LRRC37A2: variants seen among roughly 807,000 people sequenced by gnomAD.
The protein encoded by LRRC37A2 is leucine rich repeat containing 37 member A2.
In LRRC37A2, 9 loss-of-function variants were observed where a neutral mutation model predicts 68.8. The observed-to-expected ratio is 0.13, with a 90% CI of 0.08 to 0.23. The LOEUF (loss-of-function observed/expected upper bound fraction) is 0.23. LRRC37A2 is among the 10% of genes least tolerant of loss of function. The pLI is 1.00. For synonymous variants in LRRC37A2, 63 were observed against 367.6 expected (o/e 0.17, Z 9.48); for missense variants, 168 against 950.4 (o/e 0.18, Z 10.82).
the LRRC37A2 span, among the ~76,000 whole-genome samples, chr17:47,027,148 G>A: frequency 1.3e-5 from 2 of 152,024 alleles, no homozygotes; most frequent in Admixed American, 1.3e-4. Context: ...CCTGACCTCA[G>A]GATCTGCCAG....
rs553459969 is a variant in LRRC37A2, at chr17:46,541,546, C to A, written c.3053+665C>A. Among the ~76,000 whole-genome samples the A allele has an allele frequency of 1.1e-4, 16 of 150,864 alleles. No individual in the cohort carries two copies. In the East Asian group the frequency reaches 1.6e-3, roughly 15 times the overall value. On this transcript the variant is annotated intron_variant, in intron 8 of 14. Transcript: ENST00000576629. ...GGATTACAGATAAGATCCACCTTGC[C>A]TGGCCTCACTCAGCAGAATTTTTTT...
chr17:47,033,279 G>T, the LRRC37A2 span: 1 of 680,138 alleles, frequency 1.5e-6, no homozygotes, highest in Non-Finnish European at 2.7e-6. Flanking sequence ...AAGGCTCACC[G>T]TTTCAGATTC....
intron 8 of LRRC37A2, among the ~76,000 whole-genome samples, chr17:46,541,810 A>C (rs544965988): frequency 2.6e-5 from 4 of 151,160 alleles, no homozygotes; most frequent in African/African-American, 9.9e-5. Flanking sequence ...GTATACAAAC[A>C]TTATGTCATT....
chr17:46,843,201 C>T, the LRRC37A2 span, among the ~76,000 whole-genome samples: 10 of 152,326 alleles, frequency 6.6e-5, no homozygotes, highest in East Asian at 1.9e-3. Context: ...TCAGAATCAA[C>T]AACAGATTGG....
chr17:46,820,466 A>G, the LRRC37A2 span, among the ~76,000 whole-genome samples: 1 of 151,698 alleles, frequency 6.6e-6, no homozygotes, highest in African/African-American at 2.4e-5. Context: ...CACCGGTGTG[A>G]GGAAGAAAGG....
chr17:46,834,840 T>C, the LRRC37A2 span, among the ~76,000 whole-genome samples: 1 of 152,190 alleles, frequency 6.6e-6, no homozygotes, highest in Non-Finnish European at 1.5e-5. Flanking sequence ...TCTGTTTCTC[T>C]AGCTTGTTCA....
At chr17:46,876,914 C>A in the LRRC37A2 span, 1 of 1,359,578 alleles carries the variant, frequency 7.4e-7, no homozygotes. Flanking sequence ...CAAAGAGAAG[C>A]AAAGCCTCCT....
chr17:46,940,686 C>T, the LRRC37A2 span: 8 of 1,611,052 alleles, frequency 5.0e-6, no homozygotes, highest in Admixed American at 5.0e-5. Context: ...GACATCTTTT[C>T]GTGGTGTGCA....
the LRRC37A2 span, among the ~76,000 whole-genome samples, chr17:46,792,001 C>G: frequency 2.6e-5 from 4 of 152,286 alleles, no homozygotes; most frequent in East Asian, 7.7e-4. Flanking sequence ...GATTGCACCA[C>G]TGCACTCCAG....
At chr17:46,793,752 C>G in the LRRC37A2 span, among the ~76,000 whole-genome samples, 15 of 152,318 alleles carry the variant, frequency 9.8e-5, no homozygotes, top group African/African-American at 3.4e-4. Context: ...GTTCCCAGCA[C>G]CTTCCAACCT....
At chr17:46,474,058 T>A in the LRRC37A2 span, among the ~76,000 whole-genome samples, 7 of 107,224 alleles carry the variant, frequency 6.5e-5, 2 homozygotes, top group African/African-American at 2.3e-4. Flanking sequence ...CCCTAGTGTT[T>A]TTTGTTTTTG....
At chr17:46,848,416 CAG>C in the LRRC37A2 span, among the ~76,000 whole-genome samples, 1 of 152,220 alleles carries the variant, frequency 6.6e-6, no homozygotes, top group Non-Finnish European at 1.5e-5. Context: ...TCTGGAGACA[CAG>C]AGAGAAGTGA....
chr17:46,984,904 A>C, the LRRC37A2 span, among the ~76,000 whole-genome samples: 1 of 152,168 alleles, frequency 6.6e-6, no homozygotes. Flanking sequence ...CCACTATATG[A>C]GAGTGTACTT....
the LRRC37A2 span, among the ~76,000 whole-genome samples, chr17:46,849,397 G>C: frequency 6.6e-6 from 1 of 152,234 alleles, no homozygotes; most frequent in Non-Finnish European, 1.5e-5. Context: ...ATGAGAACAG[G>C]AGGAGCAGCT....
chr17:46,794,352 A>G, the LRRC37A2 span, among the ~76,000 whole-genome samples: 1 of 152,158 alleles, frequency 6.6e-6, no homozygotes. Context: ...GTCACCATCT[A>G]TGGGGCTGAA....
At chr17:46,966,787 T>C in the LRRC37A2 span, 16 of 428,570 alleles carry the variant, frequency 3.7e-5, no homozygotes, top group African/African-American at 2.8e-4. Context: ...CTTGCAAGAA[T>C]TATTTGATGT....
the LRRC37A2 span, chr17:46,935,999 T>G: frequency 1.5e-5 from 15 of 985,766 alleles, no homozygotes; most frequent in Non-Finnish European, 1.8e-5. Context: ...TGGATCATGT[T>G]GAGTCTGTCA....
the LRRC37A2 span, among the ~76,000 whole-genome samples, chr17:46,804,798 A>C: frequency 1.3e-5 from 2 of 152,340 alleles, no homozygotes; most frequent in African/African-American, 4.8e-5. Flanking sequence ...AGAATGCACC[A>C]ATCAGTGCTC....
chr17:46,854,123 G>A, the LRRC37A2 span, among the ~76,000 whole-genome samples: 1 of 152,170 alleles, frequency 6.6e-6, no homozygotes, highest in Admixed American at 6.5e-5. Context: ...GATGCTCAGA[G>A]AATCAGCTAA....
Sources: allele counts gnomAD v4.1 joint callset (sites outside exome capture counted in the v4.1 genomes callset), GRCh38; gene constraint gnomAD v4.1.1; transcripts MANE v1.5; gene names NCBI Gene and HGNC (gene_info 2026-07-23, HGNC 2026-07-21).